MYO3B: variants seen among roughly 807,000 people sequenced by gnomAD.
MYO3B encodes the protein myosin IIIB, also known as myosin-IIIb.
MYO3B carries 156 observed loss-of-function variants against 174.6 expected under a neutral mutation model. The ratio of observed to expected loss-of-function variants is 0.89; its 90% confidence interval spans 0.78 to 1.02. MYO3B has a LOEUF of 1.02. MYO3B is among the 50% of genes least tolerant of loss of function. The pLI, the probability that MYO3B is intolerant of heterozygous loss-of-function variation, is 0.00. For synonymous variants in MYO3B, 563 were observed against 569.1 expected (o/e 0.99, Z 0.15); for missense variants, 1,632 against 1,639.4 (o/e 1.00, Z 0.08).
intron 32 of MYO3B, among the ~76,000 whole-genome samples, chr2:170,637,624 G>A (rs1164917587): frequency 1.6e-5 from 2 of 125,662 alleles, no homozygotes; most frequent in Admixed American, 8.1e-5. Flanking sequence ...CATTATTTCC[G>A]TAACGGATTT....
chr2:170,291,804 A>G (rs1261442928), intron 7 of MYO3B, among the ~76,000 whole-genome samples: 3 of 152,014 alleles, frequency 2.0e-5, no homozygotes, highest in Non-Finnish European at 4.4e-5. Context: ...TGCCAGACAA[A>G]TTGGAGATCC....
intron 32 of MYO3B, among the ~76,000 whole-genome samples, chr2:170,574,573 T>A (rs1234262924): frequency 6.6e-6 from 1 of 152,208 alleles, no homozygotes; most frequent in African/African-American, 2.4e-5. Flanking sequence ...CACATGGATC[T>A]AATTTTAAGA....
intron 32 of MYO3B, among the ~76,000 whole-genome samples, chr2:170,615,516 C>G (rs1459611424): frequency 6.6e-6 from 1 of 152,092 alleles, no homozygotes; most frequent in Admixed American, 6.5e-5. Flanking sequence ...TCAGTGTAGA[C>G]AGAGGGAAGT....
intron 17 of MYO3B, 144 bp from the exon 18 acceptor site, chr2:170,401,337 G>C (rs890705695): frequency 1.5e-6 from 1 of 676,246 alleles, no homozygotes; most frequent in Non-Finnish European, 2.5e-6. Context: ...GAAGCTTCTT[G>C]GGGTTAGGGA....
At chr2:170,408,324 C>T (rs2094524453) in intron 22 of MYO3B, among the ~76,000 whole-genome samples, 1 of 152,228 alleles carries the variant, frequency 6.6e-6, no homozygotes, top group Non-Finnish European at 1.5e-5. Context: ...CCCTACCTCT[C>T]TCCTAACCAA....
At chr2:170,568,063 C>T (rs1692187383) in intron 32 of MYO3B, among the ~76,000 whole-genome samples, 1 of 152,170 alleles carries the variant, frequency 6.6e-6, no homozygotes, top group African/African-American at 2.4e-5. Context: ...TACTGGGCAA[C>T]TGGAGGCACC....
intron 32 of MYO3B, among the ~76,000 whole-genome samples, chr2:170,630,098 C>T (rs552117144): frequency 1.1e-4 from 16 of 152,294 alleles, no homozygotes; most frequent in Admixed American, 3.9e-4. Flanking sequence ...TGAAGCAGGG[C>T]GGGGCATTGC....
At chr2:170,526,457 A>G (rs922519008) in intron 30 of MYO3B, among the ~76,000 whole-genome samples, 2 of 152,240 alleles carry the variant, frequency 1.3e-5, no homozygotes, top group Non-Finnish European at 2.9e-5. Context: ...TGAGGTTTCC[A>G]TCACCTTAGA....
intron 8 of MYO3B, among the ~76,000 whole-genome samples, chr2:170,336,919 TG>T (rs2093950582): frequency 6.6e-6 from 1 of 151,134 alleles, no homozygotes; most frequent in Non-Finnish European, 1.5e-5. Flanking sequence ...GAAAGGGGAG[TG>T]GAAAAGAACT....
rs1356815916 is a variant in MYO3B, at chr2:170,649,271, T to C, written c.3734-2357T>C. The stretch of plus-strand genomic sequence containing the variant: ...ATATAAAATAATATATAATATATTA[T>C]ATATAAAATAATATATATTATATAT... On this transcript the variant is annotated intron_variant, in intron 32 of 34. Transcript: ENST00000408978. 4.2e-4 allele frequency among the ~76,000 whole-genome samples: 27 copies of C among 64,714 alleles called. 4 individuals carry two copies. Among genetic ancestry groups the C allele is most frequent in the Non-Finnish European group, 6.5e-4 (25 of 38,476 alleles). 42.5% of individuals were successfully genotyped at this position (64,714 alleles called of 152,430 possible). A position where few individuals can be genotyped will look rare whatever the true frequency, so the allele number is the denominator to read the frequency against.
At chr2:170,301,362 A>G (rs2093663872) in intron 7 of MYO3B, among the ~76,000 whole-genome samples, 1 of 152,202 alleles carries the variant, frequency 6.6e-6, no homozygotes, top group Non-Finnish European at 1.5e-5. Flanking sequence ...AGATTACTTT[A>G]TACATCAAAT....
chr2:170,227,207 T>C (rs146752367), intron 6 of MYO3B, among the ~76,000 whole-genome samples: 191 of 152,308 alleles, frequency 1.3e-3, no homozygotes, highest in African/African-American at 4.5e-3. Context: ...TTGAGTAGGA[T>C]GAAATAGGAA....
chr2:170,497,177 C>T (rs548658015), intron 25 of MYO3B, among the ~76,000 whole-genome samples: 75 of 152,314 alleles, frequency 4.9e-4, no homozygotes, highest in South Asian at 1.0e-3. Context: ...ACATTTGTAT[C>T]TCTGAAGACA....
At chr2:170,581,830 T>C (rs1693169270) in intron 32 of MYO3B, among the ~76,000 whole-genome samples, 1 of 152,218 alleles carries the variant, frequency 6.6e-6, no homozygotes, top group Non-Finnish European at 1.5e-5. Context: ...CTTTTGATGA[T>C]GATGGCATAT....
chr2:170,522,803 C>T (rs1489428284), intron 30 of MYO3B, among the ~76,000 whole-genome samples: 1 of 152,198 alleles, frequency 6.6e-6, no homozygotes, highest in East Asian at 1.9e-4. Flanking sequence ...TTATCATATC[C>T]CTTTCCTCCA....
intron 3 of MYO3B, among the ~76,000 whole-genome samples, chr2:170,208,094 T>G (rs973041333): frequency 4.6e-5 from 7 of 152,216 alleles, no homozygotes; most frequent in Non-Finnish European, 5.9e-5. Flanking sequence ...GAAGCCTGGC[T>G]TAACTGGCAG....
rs553773264 is a variant in MYO3B, at chr2:170,194,623, T to TTG, written c.3-4572_3-4571dup. Among the ~76,000 whole-genome samples the TTG allele has an allele frequency of 8.3e-4, 127 of 152,128 alleles. No individual in the cohort carries two copies. In the East Asian group the frequency reaches 0.024, roughly 28 times the overall value. ...TATTTGCTTTTATTTGGTTTTGGTT[T>TTG]TGTGTGTGTGTGTGCATCCTATTGT... On this transcript the variant is annotated intron_variant, in intron 1 of 34. Coordinates refer to ENST00000408978, the MANE Select transcript of MYO3B (RefSeq NM_138995.5).
At chr2:170,341,021 A>G (rs985974420) in intron 8 of MYO3B, 1 of 152,212 alleles carries the variant, frequency 6.6e-6, no homozygotes, top group Non-Finnish European at 1.5e-5. Context: ...TCTAAATGAC[A>G]TTCAAATGGG....
chr2:170,292,480 A>T (rs1204122968), intron 7 of MYO3B, among the ~76,000 whole-genome samples: 1 of 152,080 alleles, frequency 6.6e-6, no homozygotes. Context: ...GTTGTTTCTT[A>T]TGGGTAAATG....
Sources: gnomAD v4.1 joint callset for allele counts (sites outside exome capture counted in the v4.1 genomes callset) on GRCh38, gnomAD v4.1.1 for gene constraint, MANE v1.5 for transcripts, NCBI Gene and HGNC (gene_info 2026-07-23, HGNC 2026-07-21) for gene names.